The following FAM50B variants were observed in gnomAD, a reference collection of about 807,000 sequenced individuals.
The protein encoded by FAM50B is protein FAM50B.
A neutral mutation model predicts 25.4 loss-of-function variants in FAM50B; 9 were observed. The ratio of observed to expected loss-of-function variants is 0.35; its 90% CI spans 0.21 to 0.62. The LOEUF (loss-of-function observed/expected upper bound fraction) is 0.62, where lower values mean the gene tolerates loss of function less well. Ranked by LOEUF, FAM50B falls within the 20% of genes least tolerant of loss-of-function variation. The pLI is 0.73. For synonymous variants in FAM50B, 212 were observed against 204.3 expected (o/e 1.04, Z -0.32); for missense variants, 372 against 477.9 (o/e 0.78, Z 2.07).
the FAM50B span, among the ~76,000 whole-genome samples, chr6:3,839,843 C>T: frequency 4.6e-5 from 7 of 152,212 alleles, no homozygotes; most frequent in East Asian, 7.8e-4. Context: ...TCTGAATAAA[C>T]GGCAACACAA....
upstream of FAM50B, among the ~76,000 whole-genome samples, chr6:3,848,067 G>C (rs1013872047): frequency 1.3e-5 from 2 of 152,200 alleles, no homozygotes; most frequent in Admixed American, 6.5e-5. Flanking sequence ...GATCACCATA[G>C]CAGATATCAC....
chr6:3,831,901 A>G, the FAM50B span: 7 of 152,200 alleles, frequency 4.6e-5, no homozygotes, highest in African/African-American at 2.4e-5. Flanking sequence ...CTCATTGGTT[A>G]GTGCCTGCCA....
the FAM50B span, among the ~76,000 whole-genome samples, chr6:3,837,657 T>C: frequency 6.6e-6 from 1 of 152,204 alleles, no homozygotes; most frequent in Non-Finnish European, 1.5e-5. Context: ...AATTTATTTC[T>C]TACAGTTCTG....
chr6:3,850,818 G>A lies in FAM50B; in HGVS notation c.*29G>A, dbSNP rs754485246. 6.8e-6 allele frequency: 11 copies of A among 1,605,848 alleles called. No homozygotes were observed. The South Asian group carries it at 7.7e-5, about 11-fold the overall frequency. On this transcript the variant is annotated 3_prime_UTR_variant, in exon 2 of 2. Transcript: ENST00000648326. ...CCGCCTGCCAGAGCGGAAACCGGGG[G>A]TGGGGGGAGACACTCATTTCTAGGC...
At chr6:3,834,987 T>G in the FAM50B span, among the ~76,000 whole-genome samples, 2 of 152,154 alleles carry the variant, frequency 1.3e-5, no homozygotes, top group Non-Finnish European at 2.9e-5. Flanking sequence ...TTCACAAAAT[T>G]CAAGCAGTAC....
At position 3,851,066 on chromosome 6, in the gene FAM50B, G is replaced by C; in HGVS notation, c.*277G>C. 2.2e-6 allele frequency: 1 copy of C among 450,478 alleles called. No individual in the cohort carries two copies. Among genetic ancestry groups the C allele is most frequent in the Non-Finnish European group, 4.1e-6 (1 of 245,506 alleles). 27.9% of individuals were successfully genotyped at this position (450,478 alleles called of 1,614,324 possible). On this transcript the variant is annotated 3_prime_UTR_variant, in exon 2 of 2. Coordinates refer to ENST00000648326, the MANE Select transcript of FAM50B (RefSeq NM_012135.3). ...TGGGCCCACTGTCAGACAGAAATTA[G>C]AATAGGAGGCACATTTTTTACCTGG...
upstream of FAM50B, among the ~76,000 whole-genome samples, chr6:3,845,095 A>C (rs983227070): frequency 2.6e-5 from 4 of 152,246 alleles, no homozygotes; most frequent in Admixed American, 1.3e-4. Flanking sequence ...ATAAAATTTA[A>C]GAGCTTAAAG....
In FAM50B at chr6:3,850,473, G is replaced by A. The variant is rs369953711; in HGVS notation, c.662G>A (p.Arg221His). The A allele has an allele frequency of 4.3e-6, 7 of 1,613,430 alleles. No homozygotes were observed. Among genetic ancestry groups the A allele is most frequent in the Admixed American group, 3.3e-5 (2 of 60,014 alleles). The change falls in exon 2 of 2, where the codon CGC (arginine) becomes CAC (histidine). Residue 221 changes from arginine to histidine, a missense_variant. Physicochemically the swap from Arg to His is conservative, Grantham distance 29. Around this residue, in one of 4 missense-constraint regions of FAM50B, gnomAD observed 224 missense variants for 232.2 expected, o/e 0.96. Transcript: ENST00000648326. ...CTGAAGAAGGCGCTGCAGGGGCTGC[G>A]CAAGGACTTCCTGGAGCTGCGCTCC... ...QFLKKALQGL[R>H]KDFLELRSAG... is the part of the protein sequence containing the mutation.
upstream of FAM50B, among the ~76,000 whole-genome samples, chr6:3,845,962 C>G (rs1176490380): frequency 6.6e-6 from 1 of 152,054 alleles, no homozygotes; most frequent in African/African-American, 2.4e-5. Flanking sequence ...ACCTCGTGAT[C>G]CACCCGCCTC....
upstream of FAM50B, among the ~76,000 whole-genome samples, chr6:3,846,484 C>A (rs1312281293): frequency 6.6e-6 from 1 of 152,188 alleles, no homozygotes; most frequent in African/African-American, 2.4e-5. Flanking sequence ...GAGGGTCTTG[C>A]CTCAGTGTTG....
At position 3,850,456 on chromosome 6, in the gene FAM50B, G is replaced by A. The variant is rs140325210; in HGVS notation, c.645G>A (p.Lys215=). The change falls in exon 2 of 2, where the codon AAG becomes AAA. Residue 215 remains lysine, a synonymous_variant. Coordinates refer to ENST00000648326, the MANE Select transcript of FAM50B (RefSeq NM_012135.3). ...KGNTVQQFLK[K]ALQGLRKDFL... ...ACACGGTGCAGCAGTTCCTGAAGAA[G>A]GCGCTGCAGGGGCTGCGCAAGGACT... 1 of 1,613,552 alleles carries A rather than the reference G, an allele frequency of 6.2e-7. No individual in the cohort carries two copies. The highest frequency in any genetic ancestry group is 1.3e-5 in the African/African-American group (1 of 75,072).
At chr6:3,840,195 G>A in the FAM50B span, among the ~76,000 whole-genome samples, 6 of 151,986 alleles carry the variant, frequency 3.9e-5, no homozygotes, top group Non-Finnish European at 5.9e-5. Flanking sequence ...GGGTTTCACC[G>A]TGTTAGCCAG....
Position 3,849,831 on chromosome 6 carries a change from C to T in FAM50B, c.20C>T (p.Thr7Ile). The T allele has an allele frequency of 6.2e-7, 1 of 1,611,290 alleles. No individual in the cohort carries two copies. Among genetic ancestry groups the T allele is most frequent in the East Asian group, 2.2e-5 (1 of 44,828 alleles). Reference protein sequence around the residue: MAQYKGTMREAGRAMHL... With the variant: MAQYKGIMREAGRAMHL... ...CGGGCCATGGCGCAGTACAAGGGCA[C>T]CATGCGCGAGGCAGGCCGTGCCATG... The change falls in exon 2 of 2, where the codon ACC (threonine) becomes ATC (isoleucine). Residue 7 changes from threonine (T) to isoleucine (I), a missense_variant. Thr to Ile is a moderately conservative substitution (Grantham distance 89). Transcript: ENST00000648326.
chr6:3,842,141 C>T, the FAM50B span, among the ~76,000 whole-genome samples: 10 of 152,324 alleles, frequency 6.6e-5, no homozygotes, highest in South Asian at 1.2e-3. Flanking sequence ...TTCAGTTTGA[C>T]GAAGGAAGAA....
At chr6:3,846,285 C>T (rs1301898484), upstream of FAM50B, among the ~76,000 whole-genome samples, 1 of 152,202 alleles carries the variant, frequency 6.6e-6, no homozygotes, top group African/African-American at 2.4e-5. Context: ...ACCACAAAGA[C>T]AGTCACACAA....
the FAM50B span, among the ~76,000 whole-genome samples, chr6:3,841,283 A>T: frequency 1.3e-5 from 2 of 152,216 alleles, no homozygotes; most frequent in Non-Finnish European, 2.9e-5. Flanking sequence ...ATGATAATGC[A>T]ATTCCCCTGG....
At chr6:3,834,400 A>T in the FAM50B span, among the ~76,000 whole-genome samples, 1 of 150,990 alleles carries the variant, frequency 6.6e-6, no homozygotes, top group Non-Finnish European at 1.5e-5. Context: ...AAGAAAAAAG[A>T]ACCCACAGAG....
chr6:3,838,880 A>G, the FAM50B span, among the ~76,000 whole-genome samples: 1 of 151,684 alleles, frequency 6.6e-6, no homozygotes, highest in Non-Finnish European at 1.5e-5. Context: ...AAGAAAAAAA[A>G]GAATGAAGGA....
At chr6:3,849,620 A>G in intron 1 of FAM50B, 134 bp downstream of exon 1, 2 of 999,368 alleles carry the variant, frequency 2.0e-6, no homozygotes, top group East Asian at 5.4e-5. Flanking sequence ...AAAATGCTGG[A>G]AATTGGTGCC....
Sources: gnomAD v4.1 joint callset for allele counts (sites outside exome capture counted in the v4.1 genomes callset) on GRCh38, gnomAD v4.1.1 for gene constraint, gnomAD v4.1.1 regional missense constraint, MANE v1.5 for transcripts, NCBI Gene and HGNC (gene_info 2026-07-23, HGNC 2026-07-21) for gene names.